AS3MT: variants seen among roughly 807,000 people sequenced by gnomAD.
AS3MT encodes the protein arsenite methyltransferase, also known as S-adenosyl-L-methionine:arsenic(III) methyltransferase.
Under a neutral mutation model 45.3 loss-of-function variants are expected in AS3MT, and 47 were observed. That is an observed-to-expected ratio of 1.04 (90% CI 0.82 to 1.32). The LOEUF (loss-of-function observed/expected upper bound fraction) is 1.32, where lower values mean the gene tolerates loss of function less well. AS3MT is among the 40% of genes most tolerant of loss of function. The pLI, the probability that AS3MT is intolerant of heterozygous loss-of-function variation, is 0.00. For synonymous variants in AS3MT, 141 were observed against 152.8 expected, an observed-to-expected ratio of 0.92 and a Z score of 0.57; for missense variants, 396 against 451.1, an observed-to-expected ratio of 0.88 and a Z score of 1.11.
At chr10:102,884,066 C>T (rs1844909711) in intron 9 of AS3MT, among the ~76,000 whole-genome samples, 1 of 150,620 alleles carries the variant, frequency 6.6e-6, no homozygotes, top group Admixed American at 6.6e-5. Flanking sequence ...GCAACCTCCA[C>T]CTCTCAGGTT....
intron 9 of AS3MT, among the ~76,000 whole-genome samples, chr10:102,884,839 G>A (rs889265474): frequency 6.6e-6 from 1 of 152,040 alleles, no homozygotes; most frequent in African/African-American, 2.4e-5. Flanking sequence ...GAGACACTGC[G>A]ACCGGCCAAA....
In AS3MT at chr10:102,870,158, C is replaced by T; in HGVS notation, c.117C>T (p.Val39=). 1 of 1,614,196 alleles carries T rather than the reference C, an allele frequency of 6.2e-7. No individual in the cohort carries two copies. The highest frequency in any genetic ancestry group is 8.5e-7 in the Non-Finnish European group (1 of 1,180,042). The change falls in exon 3 of 11, where the codon GTC becomes GTT. Residue 39 remains valine (V), a synonymous_variant. Transcript: ENST00000369880. ...GCTGTGTCACCACAGCCAGGCCGGT[C>T]CCCAAGCACATCCGGGAAGCCTTGC... The part of the protein sequence containing the change: ...TNGCVTTARP[V]PKHIREALQN...
chr10:102,869,942 G>C, intron 2 of AS3MT, 97 bp downstream of exon 2: 2 of 1,572,806 alleles, frequency 1.3e-6, no homozygotes, highest in East Asian at 4.5e-5. Flanking sequence ...CTGGAGTCGG[G>C]GTAGGGCAGG....
intron 4 of AS3MT, 132 bp downstream of exon 4, chr10:102,872,730 C>T (rs2035633830): frequency 9.3e-6 from 9 of 971,420 alleles, no homozygotes; most frequent in African/African-American, 1.6e-5. Flanking sequence ...ATTTGTGCCA[C>T]TAGTGCTTCC....
chr10:102,874,248 C>T (rs1184827362), intron 5 of AS3MT, among the ~76,000 whole-genome samples: 1 of 148,770 alleles, frequency 6.7e-6, no homozygotes, highest in Non-Finnish European at 1.5e-5. Flanking sequence ...AGTGAAACAT[C>T]CTCTCGGGAA....
chr10:102,887,177 G>A (rs927535120), intron 9 of AS3MT, among the ~76,000 whole-genome samples: 1 of 152,116 alleles, frequency 6.6e-6, no homozygotes, highest in African/African-American at 2.4e-5. Flanking sequence ...ATTCCATAGT[G>A]GTGAGAAAGA....
At chr10:102,875,533 C>T (rs1371249101) in intron 6 of AS3MT, among the ~76,000 whole-genome samples, 1 of 150,792 alleles carries the variant, frequency 6.6e-6, no homozygotes, top group Non-Finnish European at 1.5e-5. Flanking sequence ...TGCCTGTACT[C>T]CCAGCTACTT....
chr10:102,883,281 A>G (rs1844896144), intron 9 of AS3MT, among the ~76,000 whole-genome samples: 1 of 150,788 alleles, frequency 6.6e-6, no homozygotes, highest in South Asian at 2.1e-4. Flanking sequence ...TTGCATTTTT[A>G]GTAGAGACAG....
intron 10 of AS3MT, among the ~76,000 whole-genome samples, chr10:102,895,073 A>G (rs977282479): frequency 7.9e-5 from 12 of 152,028 alleles, no homozygotes; most frequent in Admixed American, 2.6e-4. Flanking sequence ...TTAGAGTTTG[A>G]CCCTTTTTGT....
intron 9 of AS3MT, among the ~76,000 whole-genome samples, chr10:102,880,351 G>A (rs1844853876): frequency 6.6e-6 from 1 of 151,832 alleles, no homozygotes. Context: ...AGCATAAATT[G>A]TGGTACAGAA....
intron 9 of AS3MT, 142 bp from the exon 10 acceptor site, chr10:102,890,402 C>A: frequency 1.7e-6 from 1 of 605,476 alleles, no homozygotes; most frequent in Non-Finnish European, 2.7e-6. Context: ...CCCATAATGG[C>A]TGTACTAATT....
chr10:102,870,373 A>G lies in AS3MT; in HGVS notation c.170+162A>G, dbSNP rs74637238. 6.1e-4 allele frequency among the ~76,000 whole-genome samples: 93 copies of G among 152,258 alleles called. No homozygotes were observed. In the East Asian group the frequency reaches 0.015, roughly 24 times the overall value. On this transcript the variant is annotated intron_variant, in intron 3 of 10. Coordinates refer to ENST00000369880, the MANE Select transcript of AS3MT (RefSeq NM_020682.4). The stretch of plus-strand genomic sequence containing the variant: ...TCAGCACCCATCATCTTACTGCTCT[A>G]AGAACCTCCGATGAGTCTGGGCGCG...
chr10:102,895,260 C>T lies in AS3MT; in HGVS notation c.1020+4582C>T, dbSNP rs558965162. ...TCACCCAGGCTGGAGTGCAGTGGCA[C>T]GATCTTGGCTCACTGCAGCCTCTGC... On this transcript the variant is annotated intron_variant, in intron 10 of 10. Transcript: ENST00000369880. Among the ~76,000 whole-genome samples, 5 of 151,724 alleles carry T rather than the reference C, an allele frequency of 3.3e-5. No individual in the cohort carries two copies. The East Asian group carries it at 7.8e-4, about 24-fold the overall frequency.
chr10:102,888,881 A>ATATATATTTT (rs1491503446), intron 9 of AS3MT, among the ~76,000 whole-genome samples: 1 of 52,518 alleles, frequency 1.9e-5, no homozygotes, highest in African/African-American at 7.0e-5. Context: ...ATATATATAT[A>ATATATATTTT]TTTTTTTTTT....
Position 102,900,703 on chromosome 10 carries a change from C to G in AS3MT, c.*3C>G, listed in dbSNP as rs761947124. The G allele has an allele frequency of 1.2e-6, 2 of 1,611,420 alleles. No homozygotes were observed. Among genetic ancestry groups the G allele is most frequent in the Admixed American group, 3.3e-5 (2 of 60,016 alleles). ...GTGGCACAAAGAAAAGCTGCTAAAT[C>G]TATAGCCAACCAGGGGACCACAGTA... On this transcript the variant is annotated 3_prime_UTR_variant, in exon 11 of 11. Transcript: ENST00000369880.
chr10:102,877,401 T>C (rs751368152), intron 7 of AS3MT, among the ~76,000 whole-genome samples: 3 of 152,286 alleles, frequency 2.0e-5, no homozygotes, highest in Non-Finnish European at 4.4e-5. Context: ...ATTATTGTGT[T>C]CTTTATTCCT....
At chr10:102,869,941 G>C (rs1425317068) in intron 2 of AS3MT, 96 bp downstream of exon 2, 16 of 1,572,120 alleles carry the variant, frequency 1.0e-5, no homozygotes, top group Non-Finnish European at 1.4e-5. Context: ...CCTGGAGTCG[G>C]GGTAGGGCAG....
In AS3MT at chr10:102,881,086, T is replaced by C. The variant is rs1204594557; in HGVS notation, c.885+2095T>C. ...CATGTATTCTGCTTTATGATGTTTA[T>C]CTGAATAATCTGGACAAATTCTCAT... On this transcript the variant is annotated intron_variant, in intron 9 of 10. Transcript: ENST00000369880. This position sits in a 1 kb window ranked among gnomAD's most constrained non-coding sequence, Gnocchi z 4.2. Among the ~76,000 whole-genome samples, 1 of 152,248 alleles carries C rather than the reference T, an allele frequency of 6.6e-6. No individual in the cohort carries two copies. Among genetic ancestry groups the C allele is most frequent in the Non-Finnish European group, 1.5e-5 (1 of 68,038 alleles).
chr10:102,892,465 A>C (rs1845085829), intron 10 of AS3MT, among the ~76,000 whole-genome samples: 1 of 152,152 alleles, frequency 6.6e-6, no homozygotes, highest in African/African-American at 2.4e-5. Flanking sequence ...ATGGGCACAC[A>C]GATGCATAAA....
Sources: gnomAD v4.1 joint callset for allele counts (sites outside exome capture counted in the v4.1 genomes callset) on GRCh38, gnomAD v4.1.1 for gene constraint, Gnocchi (gnomAD v3.1) non-coding constraint, MANE v1.5 for transcripts, NCBI Gene and HGNC (gene_info 2026-07-23, HGNC 2026-07-21) for gene names.